The following DIAPH3 variants were observed in gnomAD, a reference collection of about 807,000 sequenced individuals.
DIAPH3 encodes the protein diaphanous related formin 3.
Under a neutral mutation model 144.3 loss-of-function variants are expected in DIAPH3, and 117 were observed. The observed-to-expected ratio is 0.81, with a 90% confidence interval of 0.70 to 0.95. The LOEUF (loss-of-function observed/expected upper bound fraction) is 0.95. DIAPH3 is among the 40% of genes least tolerant of loss of function. DIAPH3 has a pLI of 0.00. For synonymous variants in DIAPH3, 519 were observed against 488.9 expected (o/e 1.06, Z -0.81); for missense variants, 1,421 against 1,412.7 (o/e 1.01, Z -0.09).
chr13:60,016,174 A>G (rs201632241), intron 5 of DIAPH3, 29 bp from the exon 6 acceptor site: 1 of 1,598,214 alleles, frequency 6.3e-7, no homozygotes, highest in Non-Finnish European at 8.6e-7. Context: ...ACAGTTACAC[A>G]TTGTCAGTAA....
At chr13:59,862,651 T>C (rs1566431124) in intron 21 of DIAPH3, among the ~76,000 whole-genome samples, 1 of 152,196 alleles carries the variant, frequency 6.6e-6, no homozygotes, top group African/African-American at 2.4e-5. Flanking sequence ...TTTTCAGTAG[T>C]ACCCAGGTGG....
chr13:59,762,398 T>C (rs1008541348), intron 27 of DIAPH3, among the ~76,000 whole-genome samples: 6 of 152,122 alleles, frequency 3.9e-5, no homozygotes, highest in African/African-American at 7.2e-5. Flanking sequence ...GTTAGTGAGA[T>C]ACATTTCTGC....
At chr13:59,959,888 TAGCTA>T (rs1393170833) in intron 17 of DIAPH3, among the ~76,000 whole-genome samples, 1 of 152,200 alleles carries the variant, frequency 6.6e-6, no homozygotes, top group Non-Finnish European at 1.5e-5. Context: ...TTCCTGTCTC[TAGCTA>T]AGCTAAGCTG....
chr13:59,732,305 TAAAAC>T (rs1040962522), intron 27 of DIAPH3, among the ~76,000 whole-genome samples: 1 of 151,808 alleles, frequency 6.6e-6, no homozygotes, highest in African/African-American at 2.4e-5. Flanking sequence ...AATACCAACT[TAAAAC>T]AAATAGATTG....
intron 27 of DIAPH3, among the ~76,000 whole-genome samples, chr13:59,670,792 C>T (rs933209465): frequency 6.6e-6 from 1 of 152,134 alleles, no homozygotes; most frequent in Admixed American, 6.5e-5. Context: ...ACTGTGTTAG[C>T]CAGGATGGTC....
intron 9 of DIAPH3, among the ~76,000 whole-genome samples, chr13:60,002,303 T>G (rs2052570891): frequency 6.6e-6 from 1 of 152,160 alleles, no homozygotes; most frequent in Admixed American, 6.6e-5. Flanking sequence ...TGAAACAAAC[T>G]GAACAGATTT....
intron 2 of DIAPH3, among the ~76,000 whole-genome samples, chr13:60,115,575 A>G (rs1002217666): frequency 2.0e-5 from 3 of 152,168 alleles, no homozygotes; most frequent in African/African-American, 7.2e-5. Flanking sequence ...ATAGTTTAAT[A>G]CTGCATCTTT....
intron 25 of DIAPH3, among the ~76,000 whole-genome samples, chr13:59,795,069 C>T (rs1336802677): frequency 2.0e-5 from 3 of 152,222 alleles, no homozygotes. Context: ...CCACACATCT[C>T]CTCACTCTGT....
intron 24 of DIAPH3, among the ~76,000 whole-genome samples, chr13:59,828,312 A>G (rs2041570629): frequency 6.6e-6 from 1 of 152,048 alleles, no homozygotes; most frequent in Non-Finnish European, 1.5e-5. Flanking sequence ...ATGTTTTGAA[A>G]TAGAAGCAGA....
At chr13:59,943,478 G>C (rs956249405) in intron 17 of DIAPH3, among the ~76,000 whole-genome samples, 1 of 152,140 alleles carries the variant, frequency 6.6e-6, no homozygotes, top group African/African-American at 2.4e-5. Context: ...TCAATATGGA[G>C]CTCCTCTGAG....
intron 27 of DIAPH3, among the ~76,000 whole-genome samples, chr13:59,726,754 T>C (rs2035620242): frequency 6.6e-6 from 1 of 152,148 alleles, no homozygotes; most frequent in Non-Finnish European, 1.5e-5. Flanking sequence ...GGTTTAACTG[T>C]CCTAACTAGA....
chr13:59,897,711 G>A (rs1239243997), intron 20 of DIAPH3, among the ~76,000 whole-genome samples: 2 of 150,414 alleles, frequency 1.3e-5, no homozygotes, highest in African/African-American at 4.9e-5. Context: ...TCACGCCATT[G>A]CACTCCAGCC....
chr13:59,704,548 G>A (rs1761031922), intron 27 of DIAPH3, among the ~76,000 whole-genome samples: 1 of 152,204 alleles, frequency 6.6e-6, no homozygotes, highest in Admixed American at 6.5e-5. Context: ...GCTGCAGAAT[G>A]ACACTTCAGT....
At chr13:60,007,845 C>T (rs886697828) in intron 9 of DIAPH3, among the ~76,000 whole-genome samples, 8 of 152,062 alleles carry the variant, frequency 5.3e-5, no homozygotes, top group African/African-American at 1.9e-4. Context: ...TTATTATTCA[C>T]GTAAGCTCAA....
At chr13:59,814,449 A>G (rs1227210376) in intron 24 of DIAPH3, among the ~76,000 whole-genome samples, 2 of 152,228 alleles carry the variant, frequency 1.3e-5, no homozygotes, top group Non-Finnish European at 2.9e-5. Context: ...AAAAATACCA[A>G]TAGAGAGCAC....
chr13:60,124,774 T>A (rs1412858489), intron 2 of DIAPH3, among the ~76,000 whole-genome samples: 1 of 151,644 alleles, frequency 6.6e-6, no homozygotes, highest in East Asian at 1.9e-4. Flanking sequence ...CCCAGGAGGT[T>A]GGGGCTACAG....
chr13:59,700,624 C>T (rs1041221438), intron 27 of DIAPH3, among the ~76,000 whole-genome samples: 1 of 152,204 alleles, frequency 6.6e-6, no homozygotes, highest in African/African-American at 2.4e-5. Flanking sequence ...CTCCATGCCT[C>T]TTTCCATGGT....
At chr13:59,822,499 GGT>G (rs2041124930) in intron 24 of DIAPH3, among the ~76,000 whole-genome samples, 1 of 152,072 alleles carries the variant, frequency 6.6e-6, no homozygotes, top group Non-Finnish European at 1.5e-5. Context: ...AGAGTGCAGT[GGT>G]GCGATCTCGG....
At chr13:60,131,686 G>A (rs2059147102) in intron 2 of DIAPH3, among the ~76,000 whole-genome samples, 1 of 152,106 alleles carries the variant, frequency 6.6e-6, no homozygotes, top group African/African-American at 2.4e-5. Context: ...TTTCTTTTAA[G>A]GTTGACGAAA....
Sources: allele counts gnomAD v4.1 joint callset (sites outside exome capture counted in the v4.1 genomes callset), GRCh38; gene constraint gnomAD v4.1.1; transcripts MANE v1.5; gene names NCBI Gene and HGNC (gene_info 2026-07-23, HGNC 2026-07-21).